Variants in ABCC9 observed in about 807,000 individuals in gnomAD.
ABCC9 encodes ATP-binding cassette sub-family C member 9.
ABCC9 carries 95 observed loss-of-function variants against 188.3 expected under a neutral mutation model. That is an observed-to-expected ratio of 0.50 (90% CI 0.43 to 0.60). The LOEUF (loss-of-function observed/expected upper bound fraction) is 0.60. Among genes scored for constraint, ABCC9 ranks in the 20% least tolerant of loss-of-function variants. The pLI, the probability that ABCC9 is intolerant of heterozygous loss-of-function variation, is 0.00. For missense variants in ABCC9, 1,102 were observed against 1,876.3 expected (o/e 0.59, Z 7.62); for synonymous variants, 659 against 652.7 (o/e 1.01, Z -0.15).
intron 12 of ABCC9, among the ~76,000 whole-genome samples, chr12:21,899,632 G>A (rs984965943): frequency 2.0e-5 from 3 of 152,210 alleles, no homozygotes; most frequent in Non-Finnish European, 2.9e-5. Flanking sequence ...CTTTTCCAAC[G>A]GTCTTAGCAA....
At chr12:21,906,317 C>A in intron 11 of ABCC9, 29 bp from the exon 12 acceptor site, 1 of 1,580,060 alleles carries the variant, frequency 6.3e-7, no homozygotes. Flanking sequence ...AAAATAATAC[C>A]AGCTGCATCC....
intron 16 of ABCC9, among the ~76,000 whole-genome samples, chr12:21,879,827 C>T (rs1210771233): frequency 6.6e-6 from 1 of 151,630 alleles, no homozygotes; most frequent in African/African-American, 2.4e-5. Context: ...CCTCTTTCCC[C>T]CAAGGGTCCA....
chr12:21,852,298 G>T, intron 23 of ABCC9, 70 bp downstream of exon 23: 1 of 1,612,802 alleles, frequency 6.2e-7, no homozygotes, highest in Non-Finnish European at 8.5e-7. Context: ...ATTTCAGAAA[G>T]CATTTTTTAC....
intron 22 of ABCC9, 49 bp from the exon 23 acceptor site, chr12:21,852,554 C>A (rs774521047): frequency 3.8e-6 from 6 of 1,596,172 alleles, no homozygotes; most frequent in Non-Finnish European, 5.1e-6. Context: ...ATACTTGTTA[C>A]ATAACTCAAT....
intron 5 of ABCC9, chr12:21,923,672 A>T: frequency 1.7e-6 from 1 of 580,710 alleles, no homozygotes; most frequent in East Asian, 2.8e-5. Flanking sequence ...CTTGTTAGTG[A>T]GTATAAAAAA....
In ABCC9 at chr12:21,845,833, C is replaced by CTACA; in HGVS notation, c.2867-5_2867-2dup. ...TCCTCATCTTCCTCCTCTTCTTCCTCTACATACAAAAAACTTTTGTTTAAG... is the reference window on the plus strand; with the variant it reads ...TCCTCATCTTCCTCCTCTTCTTCCTCTACATACATACAAAAAACTTTTGTTTAAG... On this transcript the variant is annotated splice_acceptor_variant, in intron 25 of 39. Transcript: ENST00000261200. LOFTEE classifies it high-confidence loss of function. 6.2e-7 allele frequency: 1 copy of CTACA among 1,612,152 alleles called. No homozygotes were observed. Among genetic ancestry groups the CTACA allele is most frequent in the East Asian group, 2.2e-5 (1 of 44,874 alleles).
At chr12:21,845,866 T>G in intron 25 of ABCC9, 34 bp from the exon 26 acceptor site, 1 of 1,467,352 alleles carries the variant, frequency 6.8e-7, no homozygotes, top group Non-Finnish European at 9.5e-7. Flanking sequence ...AAGCTTCAGA[T>G]GGGCACCGGC....
At chr12:21,895,192 TTAC>T in intron 13 of ABCC9, 80 bp downstream of exon 13, 1 of 1,212,938 alleles carries the variant, frequency 8.2e-7, no homozygotes, top group Non-Finnish European at 1.2e-6. Flanking sequence ...GTAATATATA[TTAC>T]TACCCACACA....
chr12:21,866,169 A>G (rs2137538824), intron 18 of ABCC9, among the ~76,000 whole-genome samples: 1 of 152,320 alleles, frequency 6.6e-6, no homozygotes, highest in Non-Finnish European at 1.5e-5. Context: ...GCTGAAATGT[A>G]GGTGTAAATG....
intron 16 of ABCC9, among the ~76,000 whole-genome samples, chr12:21,881,425 T>C (rs539935771): frequency 4.6e-5 from 7 of 152,204 alleles, no homozygotes; most frequent in Non-Finnish European, 1.0e-4. Flanking sequence ...TCTTAATGCA[T>C]GAATGGTCAA....
intron 4 of ABCC9, among the ~76,000 whole-genome samples, chr12:21,927,825 C>G (rs1226310820): frequency 6.6e-6 from 1 of 152,140 alleles, no homozygotes; most frequent in Non-Finnish European, 1.5e-5. Flanking sequence ...CACCTACCAC[C>G]TCCTGTAAAT....
At chr12:21,808,161 T>G (rs1591937782) in intron 37 of ABCC9, among the ~76,000 whole-genome samples, 1 of 152,244 alleles carries the variant, frequency 6.6e-6, no homozygotes, top group East Asian at 1.9e-4. Context: ...CCTAATGTCC[T>G]GGGGAAAATT....
intron 16 of ABCC9, among the ~76,000 whole-genome samples, chr12:21,878,761 T>C (rs1946489143): frequency 7.2e-6 from 1 of 138,350 alleles, no homozygotes; most frequent in African/African-American, 2.5e-5. Context: ...CACCTTCTGA[T>C]TTGGTGCTAC....
chr12:21,872,519 G>C (rs563083325), intron 18 of ABCC9, 106 bp downstream of exon 18: 2 of 863,654 alleles, frequency 2.3e-6, no homozygotes, highest in Middle Eastern at 2.3e-4. Flanking sequence ...TTATTTCTGC[G>C]TGGTCTTCAG....
chr12:21,906,456 A>G (rs1396892014), intron 11 of ABCC9, among the ~76,000 whole-genome samples, 168 bp from the exon 12 acceptor site: 1 of 152,100 alleles, frequency 6.6e-6, no homozygotes, highest in East Asian at 1.9e-4. Context: ...TTTGTGCTTC[A>G]TGAAATAAAG....
At chr12:21,911,085 A>T (rs935292546) in intron 8 of ABCC9, 107 bp from the exon 9 acceptor site, 23 of 1,098,574 alleles carry the variant, frequency 2.1e-5, no homozygotes, top group South Asian at 2.0e-4. Flanking sequence ...ACAAAAATTC[A>T]ATGTATTTAT....
At chr12:21,827,062 A>G (rs1306524923) in intron 31 of ABCC9, 7 of 960,278 alleles carry the variant, frequency 7.3e-6, no homozygotes, top group Non-Finnish European at 1.2e-6. Context: ...GTGGAATTCA[A>G]GATACAGAGT....
chr12:21,844,984 A>G, intron 26 of ABCC9, 69 bp from the exon 27 acceptor site: 1 of 1,537,252 alleles, frequency 6.5e-7, no homozygotes, highest in Non-Finnish European at 8.9e-7. Flanking sequence ...TAGAAAACCA[A>G]ATGTCAATGT....
chr12:21,867,214 A>G (rs1207173987), intron 18 of ABCC9, among the ~76,000 whole-genome samples: 3 of 152,166 alleles, frequency 2.0e-5, no homozygotes, highest in African/African-American at 4.8e-5. Context: ...GAGACTACCT[A>G]TTCCGGCCCT....
Sources: gnomAD v4.1 joint callset for allele counts (sites outside exome capture counted in the v4.1 genomes callset) on GRCh38, gnomAD v4.1.1 for gene constraint, MANE v1.5 for transcripts, NCBI Gene and HGNC (gene_info 2026-07-23, HGNC 2026-07-21) for gene names.